TRIM24: variants seen among roughly 807,000 people sequenced by gnomAD.
TRIM24 encodes the protein tripartite motif containing 24, also known as transcription intermediary factor 1-alpha.
In TRIM24, 29 loss-of-function variants were observed where a neutral mutation model predicts 123.9. That is an observed-to-expected ratio of 0.23 (90% confidence interval 0.17 to 0.32). TRIM24 has a LOEUF of 0.32. Ranked by LOEUF, TRIM24 falls within the 10% of genes least tolerant of loss-of-function variation. The pLI, the probability that TRIM24 is intolerant of heterozygous loss-of-function variation, is 1.00. For synonymous variants in TRIM24, 456 were observed against 461.1 expected, an observed-to-expected ratio of 0.99 and a Z score of 0.14; for missense variants, 932 against 1,295.3, an observed-to-expected ratio of 0.72 and a Z score of 4.31.
Position 138,573,558 on chromosome 7 carries a change from A to C in TRIM24, c.1930A>C (p.Asn644His). The change falls in exon 12 of 19, where the codon AAT becomes CAT. Residue 644 changes from asparagine to histidine, a missense_variant. Transcript: ENST00000343526. ...MLDNIVRKDTNIDHGQPRPPS... is the reference protein window; with the variant it reads ...MLDNIVRKDTHIDHGQPRPPS... ...GGACAATATTGTGAGGAAAGATACT[A>C]ATATAGATCATGGCCAGCCAAGACC... The C allele has an allele frequency of 6.2e-7, 1 of 1,613,942 alleles. No individual in the cohort carries two copies. The highest frequency in any genetic ancestry group is 1.7e-5 in the Admixed American group (1 of 60,002).
intron 1 of TRIM24, among the ~76,000 whole-genome samples, chr7:138,493,265 A>AT (rs1185734624): frequency 1.3e-5 from 2 of 152,028 alleles, no homozygotes; most frequent in African/African-American, 2.4e-5. Flanking sequence ...CTGTGAAATT[A>AT]TTTTTTTCCT....
At chr7:138,461,027 GA>G in intron 1 of TRIM24, 115 bp downstream of exon 1, 1 of 1,027,574 alleles carries the variant, frequency 9.7e-7, no homozygotes, top group Non-Finnish European at 1.3e-6. Flanking sequence ...CGCGGCGGGG[GA>G]GGGGCGAGCA....
Position 138,567,508 on chromosome 7 carries a change from C to G in TRIM24, c.1558C>G (p.Gln520Glu), listed in dbSNP as rs181983023. Residue 520 changes from glutamine to glutamate, a missense_variant, in exon 10 of 19, where the codon CAG becomes GAG. By Grantham distance (29) the Gln-to-Glu change is conservative. This residue lies in a region of TRIM24 where 527 missense variants were observed against 691.3 expected (regional missense o/e 0.76). Transcript: ENST00000343526. ...ACCGCCTCCACGTTTGATAAACTTT[C>G]AGAATCACAGCCCCAAACCCAATGG... Reference protein sequence around the residue: ...QQPPPRLINFQNHSPKPNGPV... With the variant: ...QQPPPRLINFENHSPKPNGPV... The G allele has an allele frequency of 1.5e-4, 244 of 1,608,088 alleles. No homozygotes were observed. Among genetic ancestry groups the G allele is most frequent in the Non-Finnish European group, 2.0e-4 (232 of 1,177,830 alleles).
chr7:138,487,502 AT>A (rs1355558555), intron 1 of TRIM24, among the ~76,000 whole-genome samples: 2 of 152,148 alleles, frequency 1.3e-5, no homozygotes, highest in Non-Finnish European at 2.9e-5. Flanking sequence ...AGCTCTTATT[AT>A]TTTGAGATAC....
At position 138,529,053 on chromosome 7, in the gene TRIM24, A is replaced by G; in HGVS notation, c.882-63A>G. On this transcript the variant is annotated intron_variant, in intron 5 of 18. Transcript: ENST00000343526. ...CATTTTGGTCTAATTTAGACATTAA[A>G]ACGTCAATTTTAAATATTATACAAA... The G allele has an allele frequency of 5.9e-6, 6 of 1,016,704 alleles. No individual in the cohort carries two copies. The South Asian group carries it at 1.1e-4, about 19-fold the overall frequency. 63.0% of individuals were successfully genotyped at this position (1,016,704 alleles called of 1,614,324 possible).
At chr7:138,576,705 CAT>C (rs754801407) in intron 13 of TRIM24, among the ~76,000 whole-genome samples, 45 of 151,958 alleles carry the variant, frequency 3.0e-4, no homozygotes, top group Non-Finnish European at 3.2e-4. Flanking sequence ...GCAAAGAAAA[CAT>C]AAAAATGAAT....
rs1422176564 is a variant in TRIM24 at position 138,508,692 on chromosome 7, T to TGTGCGC, written c.483+4285_483+4286insTGCGCG. On this transcript the variant is annotated intron_variant, in intron 2 of 18. Transcript: ENST00000343526. ...GTGTGTGTGTGTGTGTGTGTGTGTGTGCGCGCGCGTGTGTGCGTGTGTGTG... is the reference window on the plus strand; with the variant it reads ...GTGTGTGTGTGTGTGTGTGTGTGTGTGTGCGCGCGCGCGCGTGTGTGCGTGTGTGTG... 4.7e-3 allele frequency among the ~76,000 whole-genome samples: 647 copies of TGTGCGC among 137,252 alleles called. 3 individuals carry two copies. The highest frequency in any genetic ancestry group is 7.1e-3 in the African/African-American group (258 of 36,378). 90.0% of individuals were successfully genotyped at this position (137,252 alleles called of 152,430 possible).
chr7:138,564,244 AAG>A (rs1403515060), intron 9 of TRIM24, among the ~76,000 whole-genome samples: 1 of 152,014 alleles, frequency 6.6e-6, no homozygotes, highest in Admixed American at 6.5e-5. Flanking sequence ...GTGTCTCCCT[AAG>A]AGGCATTTGC....
chr7:138,501,517 C>T (rs1362289904), intron 1 of TRIM24, among the ~76,000 whole-genome samples: 1 of 152,082 alleles, frequency 6.6e-6, no homozygotes, highest in Non-Finnish European at 1.5e-5. Context: ...AGGTGTGAGC[C>T]ACCACACCCG....
intron 11 of TRIM24, 88 bp from the exon 12 acceptor site, chr7:138,573,419 T>C: frequency 6.2e-6 from 7 of 1,126,068 alleles, no homozygotes; most frequent in Non-Finnish European, 8.4e-6. Context: ...ATAATAATTA[T>C]TAAGTTATTG....
chr7:138,506,898 G>T (rs975570922), intron 2 of TRIM24, among the ~76,000 whole-genome samples: 5 of 152,144 alleles, frequency 3.3e-5, no homozygotes, highest in Non-Finnish European at 5.9e-5. Context: ...GAGGTAGTGG[G>T]AGCTGAATTA....
At chr7:138,476,942 G>A (rs10258403) in intron 1 of TRIM24, among the ~76,000 whole-genome samples, 2 of 152,070 alleles carry the variant, frequency 1.3e-5, no homozygotes, top group Non-Finnish European at 2.9e-5. Flanking sequence ...TTACTGTGCC[G>A]ATGTAAAAAA....
intron 10 of TRIM24, among the ~76,000 whole-genome samples, chr7:138,568,379 C>CTTTTTTTTTTTTTTTTTTTTTTTT (rs60386130): frequency 5.8e-5 from 4 of 68,704 alleles, no homozygotes; most frequent in Admixed American, 2.5e-4. Flanking sequence ...ACCTGGCCTC[C>CTTTTTTTTTTTTTTTTTTTTTTTT]TTTTTTTTTT....
At position 138,538,643 on chromosome 7, in the gene TRIM24, T is replaced by C; in HGVS notation, c.997-14T>C. 1.2e-6 allele frequency: 2 copies of C among 1,613,726 alleles called. No individual in the cohort carries two copies. Among genetic ancestry groups the C allele is most frequent in the Non-Finnish European group, 1.7e-6 (2 of 1,179,776 alleles). The stretch of plus-strand genomic sequence containing the variant: ...ATGCTGATACTAATTTTGAAACTAT[T>C]TTCTTGTTTTCAGAGCCTTGCAAAG... On this transcript the variant is annotated splice_polypyrimidine_tract_variant and intron_variant, in intron 6 of 18. Coordinates refer to ENST00000343526, the MANE Select transcript of TRIM24 (RefSeq NM_015905.3).
intron 14 of TRIM24, 78 bp from the exon 15 acceptor site, chr7:138,579,126 A>T: frequency 8.5e-7 from 1 of 1,182,434 alleles, no homozygotes; most frequent in Non-Finnish European, 1.2e-6. Flanking sequence ...CTCACCAGAG[A>T]GTGGTCTACA....
intron 7 of TRIM24, 112 bp from the exon 8 acceptor site, chr7:138,550,951 T>A (rs1395337766): frequency 6.1e-6 from 5 of 826,032 alleles, no homozygotes; most frequent in Non-Finnish European, 7.7e-6. Context: ...CAAACCTATA[T>A]ATGATTGTTT....
At chr7:138,564,876 G>A (rs1398611614) in intron 9 of TRIM24, among the ~76,000 whole-genome samples, 1 of 152,022 alleles carries the variant, frequency 6.6e-6, no homozygotes, top group Non-Finnish European at 1.5e-5. Flanking sequence ...GGGTTTTGAC[G>A]ACTTCCCTCT....
At chr7:138,494,932 A>G (rs1795869664) in intron 1 of TRIM24, among the ~76,000 whole-genome samples, 1 of 152,186 alleles carries the variant, frequency 6.6e-6, no homozygotes, top group African/African-American at 2.4e-5. Flanking sequence ...AGCTGTAAAA[A>G]AGACTGGTTG....
At chr7:138,523,522 G>A (rs1245066185) in intron 4 of TRIM24, among the ~76,000 whole-genome samples, 6 of 152,136 alleles carry the variant, frequency 3.9e-5, no homozygotes, top group Admixed American at 2.0e-4. Flanking sequence ...TGGGGAGGCC[G>A]AGGCGGGCGG....
Sources: allele counts gnomAD v4.1 joint callset (sites outside exome capture counted in the v4.1 genomes callset), GRCh38; gene constraint gnomAD v4.1.1; regional missense constraint gnomAD v4.1.1; transcripts MANE v1.5; gene names NCBI Gene and HGNC (gene_info 2026-07-23, HGNC 2026-07-21).